The following ATF7IP2 variants were observed in gnomAD, a reference collection of about 807,000 sequenced individuals.
The protein encoded by ATF7IP2 is activating transcription factor 7 interacting protein 2, also known as activating transcription factor 7-interacting protein 2.
Under a neutral mutation model 64.2 loss-of-function variants are expected in ATF7IP2, and 42 were observed. That is an observed-to-expected ratio of 0.65 (90% CI 0.51 to 0.85). The LOEUF is 0.85. Among genes scored for constraint, ATF7IP2 ranks in the 40% least tolerant of loss-of-function variants. The pLI, the probability that ATF7IP2 is intolerant of heterozygous loss-of-function variation, is 0.00. For synonymous variants in ATF7IP2, 308 were observed against 272.8 expected (o/e 1.13, Z -1.27); for missense variants, 933 against 784.2 (o/e 1.19, Z -2.27).
intron 8 of ATF7IP2, among the ~76,000 whole-genome samples, chr16:10,450,208 A>C (rs1049678868): frequency 1.3e-5 from 2 of 152,118 alleles, no homozygotes; most frequent in Non-Finnish European, 2.9e-5. Flanking sequence ...ATTCTTGTGC[A>C]TTTGCTAAGG....
intron 2 of ATF7IP2, among the ~76,000 whole-genome samples, chr16:10,415,012 T>C (rs1403827395): frequency 1.3e-5 from 2 of 152,204 alleles, no homozygotes; most frequent in African/African-American, 4.8e-5. Context: ...TTCATGTTTG[T>C]GGATTAGAAA....
intron 3 of ATF7IP2, among the ~76,000 whole-genome samples, chr16:10,428,247 C>T (rs1414774340): frequency 2.6e-5 from 4 of 152,112 alleles, no homozygotes; most frequent in African/African-American, 9.7e-5. Flanking sequence ...CAAAGATGTT[C>T]ACTTTATTAT....
In ATF7IP2 at chr16:10,434,296, G is replaced by C. The variant is rs148215630; in HGVS notation, c.960+647G>C. ...TAGCGTGTTTCAGTTCTAGTAGAAT[G>C]GTTATACTGAGGACGGGTTTTGATG... On this transcript the variant is annotated intron_variant, in intron 6 of 13. Coordinates refer to ENST00000562102, the MANE Select transcript of ATF7IP2 (RefSeq NM_001393719.1). Among the ~76,000 whole-genome samples, 469 of 152,254 alleles carry C rather than the reference G, an allele frequency of 3.1e-3. 5 individuals carry two copies. The highest frequency in any genetic ancestry group is 0.011 in the African/African-American group (446 of 41,532).
intron 1 of ATF7IP2, among the ~76,000 whole-genome samples, chr16:10,409,031 C>T (rs1327702122): frequency 6.6e-6 from 1 of 152,210 alleles, no homozygotes; most frequent in East Asian, 1.9e-4. Context: ...TCATGTCATT[C>T]ACGATCACAA....
intron 1 of ATF7IP2, among the ~76,000 whole-genome samples, chr16:10,391,451 A>G (rs2047321220): frequency 6.6e-6 from 1 of 152,150 alleles, no homozygotes. Flanking sequence ...TATGGCAGGA[A>G]ATTATGAAAT....
chr16:10,425,071 T>C (rs2048057384), intron 3 of ATF7IP2, among the ~76,000 whole-genome samples: 2 of 151,322 alleles, frequency 1.3e-5, no homozygotes, highest in South Asian at 4.2e-4. Flanking sequence ...TTTTTTTTTT[T>C]TTTTGAGACA....
chr16:10,438,006 TA>T, intron 6 of ATF7IP2, 94 bp from the exon 7 acceptor site: 1 of 942,090 alleles, frequency 1.1e-6, no homozygotes, highest in Non-Finnish European at 1.5e-6. Flanking sequence ...TTGGTTACAG[TA>T]AATCTGGAAA....
intron 1 of ATF7IP2, among the ~76,000 whole-genome samples, chr16:10,398,734 A>G (rs2047469556): frequency 6.6e-6 from 1 of 152,222 alleles, no homozygotes; most frequent in Admixed American, 6.5e-5. Context: ...CATTTAAGGA[A>G]GGAGTAGAAA....
In ATF7IP2 at chr16:10,479,834, C is replaced by G. The variant is rs1462269703; in HGVS notation, c.1550-1045C>G. Among the ~76,000 whole-genome samples, 4 of 151,832 alleles carry G rather than the reference C, an allele frequency of 2.6e-5. No homozygotes were observed. The South Asian group carries it at 8.3e-4, about 32-fold the overall frequency. ...AATGGCGATTATTAAAGTCAGAAAACAACAGATGCTGGCGAGGATGTGGAG... is the reference window on the plus strand; with the variant it reads ...AATGGCGATTATTAAAGTCAGAAAAGAACAGATGCTGGCGAGGATGTGGAG... On this transcript the variant is annotated intron_variant, in intron 12 of 13. Transcript: ENST00000562102.
intron 9 of ATF7IP2, among the ~76,000 whole-genome samples, chr16:10,470,434 C>T (rs2049749575): frequency 1.3e-5 from 2 of 151,804 alleles, no homozygotes; most frequent in Non-Finnish European, 2.9e-5. Flanking sequence ...GTTACTTCAC[C>T]CCAAATTGTA....
chr16:10,482,393 G>A lies in ATF7IP2; in HGVS notation c.*144G>A. The A allele has an allele frequency of 1.7e-6, 1 of 591,822 alleles. No homozygotes were observed. Among genetic ancestry groups the A allele is most frequent in the Non-Finnish European group, 2.9e-6 (1 of 350,526 alleles). 36.7% of individuals were successfully genotyped at this position (591,822 alleles called of 1,614,324 possible). The stretch of plus-strand genomic sequence containing the variant: ...CAGTCCTCTTCTATATGTTTTAAGT[G>A]GCCAGTAATTTAATGAATTTCTGGT... On this transcript the variant is annotated 3_prime_UTR_variant, in exon 14 of 14. Transcript: ENST00000562102.
rs58502960 is a variant in ATF7IP2, at chr16:10,414,668, C to CGGGG, written c.-203+60_-203+63dup. The stretch of plus-strand genomic sequence containing the variant: ...GTGTGTGTGTGTGTGTGTGTTTGGG[C>CGGGG]GGGGGGGTGGGGGATGTTAAGGAAC... On this transcript the variant is annotated intron_variant, in intron 2 of 13. Coordinates refer to ENST00000562102, the MANE Select transcript of ATF7IP2 (RefSeq NM_001393719.1). 3.6e-3 allele frequency: 273 copies of CGGGG among 76,376 alleles called. 20 individuals are homozygous for CGGGG. Among genetic ancestry groups the CGGGG allele is most frequent in the African/African-American group, 0.013 (255 of 18,972 alleles). 4.7% of individuals were successfully genotyped at this position (76,376 alleles called of 1,614,324 possible). A position where few individuals can be genotyped will look rare whatever the true frequency, so the allele number is the denominator to read the frequency against.
chr16:10,459,239 T>G (rs1428602143), intron 9 of ATF7IP2, among the ~76,000 whole-genome samples: 1 of 151,824 alleles, frequency 6.6e-6, no homozygotes, highest in Non-Finnish European at 1.5e-5. Context: ...GAGGCCTAGG[T>G]GGGTGGATCA....
intron 6 of ATF7IP2, among the ~76,000 whole-genome samples, chr16:10,436,426 A>G (rs1181672380): frequency 6.6e-6 from 1 of 151,898 alleles, no homozygotes; most frequent in African/African-American, 2.4e-5. Flanking sequence ...GAGCACATTC[A>G]TTTGCTCACA....
chr16:10,397,085 A>G (rs184844828), intron 1 of ATF7IP2, among the ~76,000 whole-genome samples: 1 of 152,336 alleles, frequency 6.6e-6, no homozygotes, highest in East Asian at 1.9e-4. Context: ...CAAAGCAACT[A>G]TTCTTTCCAA....
At chr16:10,460,810 C>G (rs894131084) in intron 9 of ATF7IP2, among the ~76,000 whole-genome samples, 2 of 152,058 alleles carry the variant, frequency 1.3e-5, no homozygotes, top group Admixed American at 1.3e-4. Context: ...GACATAAATG[C>G]CGTTGCCATA....
intron 1 of ATF7IP2, among the ~76,000 whole-genome samples, chr16:10,402,609 A>C (rs967537734): frequency 6.6e-6 from 1 of 152,082 alleles, no homozygotes; most frequent in Non-Finnish European, 1.5e-5. Context: ...GACTACAAGC[A>C]TGTGCCACCA....
intron 1 of ATF7IP2, among the ~76,000 whole-genome samples, chr16:10,404,347 G>T (rs745508531): frequency 1.3e-5 from 2 of 152,148 alleles, no homozygotes; most frequent in Non-Finnish European, 2.9e-5. Context: ...CCGCCTCCCA[G>T]GTTCAAGCGA....
chr16:10,432,424 A>G lies in ATF7IP2; in HGVS notation c.835+969A>G, dbSNP rs557844362. On this transcript the variant is annotated intron_variant, in intron 5 of 13. Coordinates refer to ENST00000562102, the MANE Select transcript of ATF7IP2 (RefSeq NM_001393719.1). ...ATGAATTTAAAATTCCTTAAAAATA[A>G]TAACAGTATCATCTATTTCAAATAT... Among the ~76,000 whole-genome samples the G allele has an allele frequency of 9.7e-4, 148 of 152,288 alleles. 1 individual carries two copies. The highest frequency in any genetic ancestry group is 3.5e-3 in the African/African-American group (144 of 41,566).
Sources: allele counts gnomAD v4.1 joint callset (sites outside exome capture counted in the v4.1 genomes callset), GRCh38; gene constraint gnomAD v4.1.1; transcripts MANE v1.5; gene names NCBI Gene and HGNC (gene_info 2026-07-23, HGNC 2026-07-21).